The following AVEN variants were observed in gnomAD, a reference collection of about 807,000 sequenced individuals.
The protein encoded by AVEN is apoptosis and caspase activation inhibitor.
AVEN carries 41 observed loss-of-function variants against 38.1 expected under a neutral mutation model. The ratio of observed to expected loss-of-function variants is 1.08; its 90% CI spans 0.84 to 1.40. The LOEUF is 1.40. Ranked by LOEUF, AVEN falls within the 40% of genes most tolerant of loss-of-function variation. The probability of loss-of-function intolerance (pLI) is 0.00; values close to 1 mark genes in which losing one functional copy is unlikely to be tolerated. For synonymous variants in AVEN, 206 were observed against 171.8 expected (o/e 1.20, Z -1.56); for missense variants, 605 against 438.8 (o/e 1.38, Z -3.38).
chr15:33,948,915 C>T (rs1894612597), intron 2 of AVEN, among the ~76,000 whole-genome samples: 1 of 152,190 alleles, frequency 6.6e-6, no homozygotes, highest in Non-Finnish European at 1.5e-5. Context: ...TCAAGGGATC[C>T]GCCCACCTTG....
chr15:34,073,458 CA>C (rs10708171), intron 1 of AVEN, among the ~76,000 whole-genome samples: 148,258 of 149,820 alleles, frequency 0.99, 73,379 homozygotes, highest in Middle Eastern at 1. Context: ...TCTTCAAAAA[CA>C]AAAAAATCAT....
Position 34,048,410 on chromosome 15 carries a change from C to T in AVEN, n.1637+14512G>A, listed in dbSNP as rs183271324. On this transcript the variant is annotated intron_variant and non_coding_transcript_variant, in intron 5 of 11. Transcript: ENST00000675287. ...CCTGACAAGGAAGGGTCCCCCACAA[C>T]GAGCACAGCTGCTTTGCCAGATCAT... Among the ~76,000 whole-genome samples the T allele has an allele frequency of 5.9e-4, 89 of 150,100 alleles. 1 individual carries two copies. Among genetic ancestry groups the T allele is most frequent in the Admixed American group, 1.9e-3 (28 of 15,056 alleles).
At chr15:33,934,677 A>C (rs544309705) in intron 2 of AVEN, among the ~76,000 whole-genome samples, 26 of 152,188 alleles carry the variant, frequency 1.7e-4, no homozygotes, top group Non-Finnish European at 3.1e-4. Flanking sequence ...TCGTGAAATC[A>C]AAGCATTACA....
At chr15:33,889,593 C>G (rs1198459415) in intron 2 of AVEN, among the ~76,000 whole-genome samples, 1 of 3,636 alleles carries the variant, frequency 2.8e-4, no homozygotes, top group African/African-American at 4.5e-4. Context: ...TATGTTTCTG[C>G]ACAAAAAAAA....
chr15:33,917,716 TAAGTG>T (rs1455610854), intron 2 of AVEN, among the ~76,000 whole-genome samples: 1 of 152,140 alleles, frequency 6.6e-6, no homozygotes, highest in African/African-American at 2.4e-5. Flanking sequence ...ATTACTATTC[TAAGTG>T]AAGTAACTCA....
intron 2 of AVEN, among the ~76,000 whole-genome samples, chr15:33,889,681 T>G (rs144774215): frequency 1.8e-4 from 28 of 152,360 alleles, no homozygotes; most frequent in African/African-American, 6.7e-4. Context: ...TCTACAGAGC[T>G]GTGATTTAAA....
At chr15:33,885,206 A>G (rs545496713) in intron 2 of AVEN, among the ~76,000 whole-genome samples, 2 of 152,282 alleles carry the variant, frequency 1.3e-5, no homozygotes, top group Admixed American at 1.3e-4. Context: ...AGAATGTCCA[A>G]TAGTCACCGC....
rs372777580 is a variant in AVEN, at chr15:33,866,630, C to G, written c.1072G>C (p.Asp358His). 6.8e-6 allele frequency: 11 copies of G among 1,613,840 alleles called. No homozygotes were observed. Among genetic ancestry groups the G allele is most frequent in the Non-Finnish European group, 8.5e-6 (10 of 1,179,822 alleles). Residue 358 changes from aspartate (D) to histidine (H), a missense_variant, in exon 6 of 6, where the codon GAC becomes CAC. Physicochemically the swap from Asp to His is moderately conservative, Grantham distance 81. Coordinates refer to ENST00000306730, the MANE Select transcript of AVEN (RefSeq NM_020371.3). ...TCCCCTTTTTAGGAAATCATGCTGTCCAACCAGTCTTCCAGCTCTTCCTCG... is the reference window on the plus strand; with the variant it reads ...TCCCCTTTTTAGGAAATCATGCTGTGCAACCAGTCTTCCAGCTCTTCCTCG... The part of the protein sequence containing the change: ...VTEEELEDWL[D>H]SMIS
chr15:34,034,213 C>A (rs1248175565), intron 1 of AVEN, among the ~76,000 whole-genome samples: 1 of 152,082 alleles, frequency 6.6e-6, no homozygotes, highest in Admixed American at 6.5e-5. Context: ...GTGGCTGAGG[C>A]GGGAGGACTG....
intron 2 of AVEN, among the ~76,000 whole-genome samples, chr15:33,899,045 C>A (rs1597209006): frequency 6.6e-6 from 1 of 152,172 alleles, no homozygotes. Context: ...AAAGCATTAG[C>A]TCTAAGTGTG....
chr15:34,004,211 G>A (rs1022904760), intron 1 of AVEN, among the ~76,000 whole-genome samples: 1 of 152,204 alleles, frequency 6.6e-6, no homozygotes, highest in Admixed American at 6.5e-5. Context: ...TATTACAACT[G>A]ACTATGTTGT....
At chr15:33,959,692 A>G (rs1895092430) in intron 2 of AVEN, among the ~76,000 whole-genome samples, 1 of 152,246 alleles carries the variant, frequency 6.6e-6, no homozygotes. Flanking sequence ...GAAGAAGAGG[A>G]GGCAGAGCTG....
At chr15:33,861,651 C>A (rs117453671), downstream of AVEN, among the ~76,000 whole-genome samples, 3 of 152,044 alleles carry the variant, frequency 2.0e-5, no homozygotes, top group African/African-American at 7.2e-5. Flanking sequence ...GCAGGCTTTC[C>A]TCCCACTACA....
chr15:34,030,571 ACCCGC>A (rs1338944849), intron 1 of AVEN, among the ~76,000 whole-genome samples: 1 of 150,956 alleles, frequency 6.6e-6, no homozygotes, highest in Non-Finnish European at 1.5e-5. Context: ...CTTGTGATCC[ACCCGC>A]CTCAGCCTCC....
At chr15:34,021,016 T>G (rs1898177528) in intron 1 of AVEN, among the ~76,000 whole-genome samples, 1 of 152,200 alleles carries the variant, frequency 6.6e-6, no homozygotes, top group African/African-American at 2.4e-5. Context: ...CATATACACT[T>G]TACCTGACAG....
chr15:33,878,497 T>A (rs1208919775), intron 2 of AVEN, among the ~76,000 whole-genome samples: 1 of 152,192 alleles, frequency 6.6e-6, no homozygotes. Context: ...TAAAACATAT[T>A]TTGTATGAAT....
At chr15:33,892,378 T>C (rs1168140981) in intron 2 of AVEN, among the ~76,000 whole-genome samples, 1 of 152,230 alleles carries the variant, frequency 6.6e-6, no homozygotes, top group Non-Finnish European at 1.5e-5. Context: ...GTTAAGTCTT[T>C]AATCCATCGT....
At chr15:33,977,546 A>T (rs1397488452) in intron 2 of AVEN, among the ~76,000 whole-genome samples, 2 of 152,196 alleles carry the variant, frequency 1.3e-5, no homozygotes, top group Non-Finnish European at 1.5e-5. Flanking sequence ...CTCACTGAGC[A>T]CCATTCTTAT....
At chr15:34,051,541 A>G (rs564438211) in intron 5 of AVEN, among the ~76,000 whole-genome samples, 1 of 152,288 alleles carries the variant, frequency 6.6e-6, no homozygotes, top group East Asian at 1.9e-4. Flanking sequence ...TCAAAAATCA[A>G]CAAATCTAGG....
Sources: gnomAD v4.1 joint callset for allele counts (sites outside exome capture counted in the v4.1 genomes callset) on GRCh38, gnomAD v4.1.1 for gene constraint, MANE v1.5 for transcripts, NCBI Gene and HGNC (gene_info 2026-07-23, HGNC 2026-07-21) for gene names.